Variants in DNAH10 observed in about 807,000 individuals in gnomAD.
The protein encoded by DNAH10 is dynein axonemal heavy chain 10.
In DNAH10, 348 loss-of-function variants were observed where a neutral mutation model predicts 506.6. The ratio of observed to expected loss-of-function variants is 0.69; its 90% confidence interval spans 0.63 to 0.75. The LOEUF is 0.75. Among genes scored for constraint, DNAH10 ranks in the 30% least tolerant of loss-of-function variants. The pLI is 0.00. For missense variants in DNAH10, 5,179 were observed against 5,787.1 expected, an observed-to-expected ratio of 0.89 and a Z score of 3.41; for synonymous variants, 2,059 against 2,198.6, an observed-to-expected ratio of 0.94 and a Z score of 1.78.
chr12:123,877,049 A>G (rs1299576996), intron 47 of DNAH10, among the ~76,000 whole-genome samples: 1 of 152,208 alleles, frequency 6.6e-6, no homozygotes, highest in Non-Finnish European at 1.5e-5. Flanking sequence ...AGCGTTGTGC[A>G]ACCATCAGCA....
chr12:123,915,050 G>T (rs376385346), intron 62 of DNAH10, 51 bp downstream of exon 62: 72 of 1,539,046 alleles, frequency 4.7e-5, no homozygotes, highest in Non-Finnish European at 5.9e-5. Flanking sequence ...CTGTTCTCTG[G>T]AGAATGCCCC....
rs1279608072 is a variant in DNAH10 at position 123,799,243 on chromosome 12, T to C, written c.2164-3T>C. On this transcript the variant is annotated splice_region_variant and splice_polypyrimidine_tract_variant and intron_variant, in intron 13 of 78. Coordinates refer to ENST00000673944, the MANE Select transcript of DNAH10 (RefSeq NM_001372106.1). Reference sequence around the variant, plus strand: ...AATGACGGTTGCTTGAATTCTTTGATAGGTCAAACAAAAATATTTGGAAGT... The same window carrying C: ...AATGACGGTTGCTTGAATTCTTTGACAGGTCAAACAAAAATATTTGGAAGT... 6.2e-7 allele frequency: 1 copy of C among 1,604,000 alleles called. No individual in the cohort carries two copies. Among genetic ancestry groups the C allele is most frequent in the Admixed American group, 1.7e-5 (1 of 59,842 alleles).
Position 123,870,355 on chromosome 12 carries a change from A to G in DNAH10, c.7520-11A>G, listed in dbSNP as rs1214083032. On this transcript the variant is annotated splice_polypyrimidine_tract_variant and intron_variant, in intron 43 of 78. Coordinates refer to ENST00000673944, the MANE Select transcript of DNAH10 (RefSeq NM_001372106.1). ...TATGATTCAAGTGAAATCAACCATG[A>G]TTTCCTGCAGGTCAACTTCCAACCT... 3.1e-6 allele frequency: 5 copies of G among 1,611,238 alleles called. No homozygotes were observed. The highest frequency in any genetic ancestry group is 4.2e-6 in the Non-Finnish European group (5 of 1,178,818).
chr12:123,877,689 A>G lies in DNAH10; in HGVS notation c.8200-47A>G, dbSNP rs768582671. ...CCACATTTTGTTTATTCACTCATCTACTGAAGGACATTTGTGTGTTGGGGG... is the reference window on the plus strand; with the variant it reads ...CCACATTTTGTTTATTCACTCATCTGCTGAAGGACATTTGTGTGTTGGGGG... On this transcript the variant is annotated intron_variant, in intron 47 of 78. Transcript: ENST00000673944. 4 of 1,563,658 alleles carry G rather than the reference A, an allele frequency of 2.6e-6. No individual in the cohort carries two copies. The South Asian group carries it at 4.7e-5, about 18-fold the overall frequency.
At chr12:123,904,273 G>A (rs1280057380) in intron 57 of DNAH10, among the ~76,000 whole-genome samples, 1 of 152,148 alleles carries the variant, frequency 6.6e-6, no homozygotes, top group Non-Finnish European at 1.5e-5. Flanking sequence ...TTCAGCACTA[G>A]GCGTTGGAAG....
rs1036117629 is a variant in DNAH10 at position 123,787,705 on chromosome 12, G to A, written c.1422-99G>A. ...GGCCGTGAAACCAGGGGGGGCGCCC[G>A]GGTCAGAGCTTCACGGGACACTGGC... On this transcript the variant is annotated intron_variant, in intron 9 of 78. Coordinates refer to ENST00000673944, the MANE Select transcript of DNAH10 (RefSeq NM_001372106.1). This position sits in a 1 kb window ranked among gnomAD's most constrained non-coding sequence, Gnocchi z 4.6. 6 of 1,428,958 alleles carry A rather than the reference G, an allele frequency of 4.2e-6. No individual in the cohort carries two copies. The highest frequency in any genetic ancestry group is 4.8e-6 in the Non-Finnish European group (5 of 1,046,680). 88.5% of individuals were successfully genotyped at this position (1,428,958 alleles called of 1,614,324 possible). A position where few individuals can be genotyped will look rare whatever the true frequency, so the allele number is the denominator to read the frequency against.
At position 123,928,489 on chromosome 12, in the gene DNAH10, CTG is replaced by C. The variant is rs1448698077; in HGVS notation, c.12209_12210del (p.Leu4070ArgfsTer95). The C allele has an allele frequency of 1.2e-6, 2 of 1,611,282 alleles. No homozygotes were observed. The highest frequency in any genetic ancestry group is 2.7e-5 in the African/African-American group (2 of 74,872). On this transcript the variant is annotated frameshift_variant, in exon 70 of 79. Coordinates refer to ENST00000673944, the MANE Select transcript of DNAH10 (RefSeq NM_001372106.1). LOFTEE classifies it high-confidence loss of function. The surrounding 1 kb of genome is among the most constrained non-coding windows in gnomAD (Gnocchi z 4.9). Reference sequence around the variant, plus strand: ...GTGGCTGAAAGATCTGGAGAAGTCCCTGGAGAGGATCACCAAGCCCCACCCAG... The same window carrying C: ...GTGGCTGAAAGATCTGGAGAAGTCCCGAGAGGATCACCAAGCCCCACCCAG... ...VKWLKDLEKS[L>X]ERITKPHPDF...
chr12:123,901,883 A>G (rs936765326), intron 56 of DNAH10, among the ~76,000 whole-genome samples: 1 of 151,846 alleles, frequency 6.6e-6, no homozygotes, highest in Non-Finnish European at 1.5e-5. Flanking sequence ...CTGATCCCGA[A>G]CTCCCAACCT....
rs372325504 is a variant in DNAH10 at position 123,931,431 on chromosome 12, G to A, written c.12875G>A (p.Arg4292Gln). ...ATTGGCTATTACACGCAGGCGGCTC[G>A]AGACATGTGGGCTCACCTGCTGGAG... ...AEIGYYTQAARDMWAHLLELQ... is the reference protein window; with the variant it reads ...AEIGYYTQAAQDMWAHLLELQ... The change falls in exon 74 of 79, where the codon CGA becomes CAA. Residue 4292 changes from arginine to glutamine, a missense_variant. Arg to Gln is a conservative substitution (Grantham distance 43, BLOSUM62 1). Coordinates refer to ENST00000673944, the MANE Select transcript of DNAH10 (RefSeq NM_001372106.1). 8 of 1,613,954 alleles carry A rather than the reference G, an allele frequency of 5.0e-6. No individual in the cohort carries two copies. The East Asian group carries it at 6.7e-5, about 13-fold the overall frequency.
rs1957796562 is a variant in DNAH10, at chr12:123,785,047, T to C, written c.1231-699T>C. 6.6e-6 allele frequency among the ~76,000 whole-genome samples: 1 copy of C among 152,250 alleles called. No individual in the cohort carries two copies. Among genetic ancestry groups the C allele is most frequent in the African/African-American group, 2.4e-5 (1 of 41,464 alleles). ...ATTATGAAGAATGCTGCTACGAACA[T>C]TCTTGTACAAGGATTTGTGTGGATG... On this transcript the variant is annotated intron_variant, in intron 8 of 78. Coordinates refer to ENST00000673944, the MANE Select transcript of DNAH10 (RefSeq NM_001372106.1). The surrounding 1 kb of genome is among the most constrained non-coding windows in gnomAD (Gnocchi z 4.1).
chr12:123,838,917 A>G (rs185115734), intron 29 of DNAH10, among the ~76,000 whole-genome samples: 1 of 152,274 alleles, frequency 6.6e-6, no homozygotes, highest in East Asian at 1.9e-4. Flanking sequence ...GACTCAAGTG[A>G]TCTGCCACCT....
chr12:123,869,730 C>G (rs936878473), intron 43 of DNAH10, among the ~76,000 whole-genome samples: 2 of 152,234 alleles, frequency 1.3e-5, no homozygotes, highest in African/African-American at 4.8e-5. Flanking sequence ...AGGCTCCTCG[C>G]TCCATCTGAG....
intron 5 of DNAH10, among the ~76,000 whole-genome samples, chr12:123,776,303 A>T (rs1016961867): frequency 6.6e-6 from 1 of 152,176 alleles, no homozygotes; most frequent in Non-Finnish European, 1.5e-5. Context: ...TTTGAAGAGT[A>T]TCACAAGAAT....
chr12:123,844,995 C>G (rs932153926), intron 30 of DNAH10, among the ~76,000 whole-genome samples: 1 of 151,972 alleles, frequency 6.6e-6, no homozygotes, highest in African/African-American at 2.4e-5. Context: ...GTTTGAAAAC[C>G]TATAATCAAA....
chr12:123,834,163 T>A (rs1214904553), intron 27 of DNAH10, among the ~76,000 whole-genome samples: 1 of 152,190 alleles, frequency 6.6e-6, no homozygotes, highest in Non-Finnish European at 1.5e-5. Flanking sequence ...TTTGTGTTAG[T>A]GGAAGCTCTT....
At position 123,898,735 on chromosome 12, in the gene DNAH10, C is replaced by G. The variant is rs370543140; in HGVS notation, c.9561C>G (p.Ala3187=). Residue 3187 remains alanine, a synonymous_variant, in exon 56 of 79, where the codon GCC becomes GCG. Coordinates refer to ENST00000673944, the MANE Select transcript of DNAH10 (RefSeq NM_001372106.1). ...TGGACGAGCTGAACCAGAAGCTGGC[C>G]GAGCAGAAGATCGTGCTGGCGGAGA... ...IQLDELNQKL[A]EQKIVLAEKS... The G allele has an allele frequency of 6.2e-7, 1 of 1,610,158 alleles. No homozygotes were observed. The highest frequency in any genetic ancestry group is 8.5e-7 in the Non-Finnish European group (1 of 1,178,450).
At chr12:123,893,207 A>T (rs747106659) in intron 52 of DNAH10, 26 bp from the exon 53 acceptor site, 6 of 1,610,200 alleles carry the variant, frequency 3.7e-6, no homozygotes, top group Non-Finnish European at 5.1e-6. Flanking sequence ...ACTCAGAGAG[A>T]TCACCAGCAT....
intron 18 of DNAH10, among the ~76,000 whole-genome samples, chr12:123,805,935 C>T (rs1958657952): frequency 1.3e-5 from 2 of 152,012 alleles, no homozygotes; most frequent in South Asian, 4.2e-4. Flanking sequence ...CACCACTACG[C>T]CTGGCTAGTT....
chr12:123,926,907 A>T lies in DNAH10; in HGVS notation c.12105+87A>T. ...AAGGAGCTAACCTGGGTTTAAGCTG[A>T]GTGCCACGCCACAAATCAGTTGGAT... On this transcript the variant is annotated intron_variant, in intron 69 of 78. Transcript: ENST00000673944. The surrounding 1 kb of genome is among the most constrained non-coding windows in gnomAD (Gnocchi z 4.1). 6.9e-7 allele frequency: 1 copy of T among 1,440,948 alleles called. No individual in the cohort carries two copies. 89.3% of individuals were successfully genotyped at this position (1,440,948 alleles called of 1,614,324 possible).
Sources: gnomAD v4.1 joint callset for allele counts (sites outside exome capture counted in the v4.1 genomes callset) on GRCh38, gnomAD v4.1.1 for gene constraint, Gnocchi (gnomAD v3.1) non-coding constraint, MANE v1.5 for transcripts, NCBI Gene and HGNC (gene_info 2026-07-23, HGNC 2026-07-21) for gene names.